Variants in MICAL2 observed in about 807,000 individuals in gnomAD.
The protein encoded by MICAL2 is microtubule associated monooxygenase, calponin and LIM domain containing 2, also known as [F-actin]-monooxygenase MICAL2.
Under a neutral mutation model 127.3 loss-of-function variants are expected in MICAL2, and 77 were observed. The ratio of observed to expected loss-of-function variants is 0.60; its 90% CI spans 0.50 to 0.73. The LOEUF is 0.73. MICAL2 is among the 30% of genes least tolerant of loss of function. The probability of loss-of-function intolerance (pLI) is 0.00; values close to 1 mark genes in which losing one functional copy is unlikely to be tolerated. For missense variants in MICAL2, 1,351 were observed against 1,434.4 expected (o/e 0.94, Z 0.94); for synonymous variants, 570 against 551.1 (o/e 1.03, Z -0.48).
At chr11:12,319,299 C>A (rs184264796) in intron 29 of MICAL2, among the ~76,000 whole-genome samples, 4 of 152,114 alleles carry the variant, frequency 2.6e-5, no homozygotes, top group Non-Finnish European at 4.4e-5. Context: ...CTCTGCAGAA[C>A]GAACCTTACA....
At chr11:12,256,528 C>T (rs924608231) in intron 23 of MICAL2, 4 of 383,558 alleles carry the variant, frequency 1.0e-5, no homozygotes, top group South Asian at 4.9e-5. Flanking sequence ...CAGCCAACCT[C>T]GGGGAGAGCC....
At chr11:12,360,117 T>A (rs77261637), downstream of MICAL2, among the ~76,000 whole-genome samples, 4 of 21,008 alleles carry the variant, frequency 1.9e-4, no homozygotes, top group South Asian at 6.6e-3. Flanking sequence ...CCTTTTTTTT[T>A]TTAAAAAAAA....
At chr11:12,112,046 C>G (rs80095110) in intron 1 of MICAL2, among the ~76,000 whole-genome samples, 1,839 of 152,298 alleles carry the variant, frequency 0.012, 28 homozygotes, top group African/African-American at 0.04. Context: ...TCCAAAAACG[C>G]TGAGAGTTTT....
intron 22 of MICAL2, 35 bp downstream of exon 22, chr11:12,249,281 AC>A (rs1481604664): frequency 7.9e-7 from 1 of 1,264,054 alleles, no homozygotes; most frequent in African/African-American, 1.5e-5. Flanking sequence ...CAGCTGCCTC[AC>A]CTGCAAAGGG....
intron 26 of MICAL2, chr11:12,261,381 C>T (rs1336484922): frequency 2.0e-6 from 2 of 985,352 alleles, no homozygotes; most frequent in Non-Finnish European, 2.4e-6. Flanking sequence ...AGGACATATG[C>T]ATGAGTAAGG....
intron 2 of MICAL2, among the ~76,000 whole-genome samples, chr11:12,145,425 C>G (rs1455845484): frequency 1.3e-5 from 2 of 152,178 alleles, no homozygotes; most frequent in African/African-American, 4.8e-5. Flanking sequence ...TTAAAACAAA[C>G]AAACATCAAT....
In MICAL2 at chr11:12,341,751, C is replaced by T. The variant is rs141091851; in HGVS notation, c.5516-8087C>T. On this transcript the variant is annotated intron_variant, in intron 32 of 34. Transcript: ENST00000646065. Reference sequence around the variant, plus strand: ...CTGAGGCAAAAGAATAGCTTGAACCCGGGAGGTGGAGTTTGTGGTGGGCCA... The same window carrying T: ...CTGAGGCAAAAGAATAGCTTGAACCTGGGAGGTGGAGTTTGTGGTGGGCCA... Among the ~76,000 whole-genome samples the T allele has an allele frequency of 4.0e-3, 616 of 152,170 alleles. 4 individuals carry two copies. The highest frequency in any genetic ancestry group is 0.014 in the African/African-American group (573 of 41,530).
At chr11:12,296,739 T>G (rs1325510135), downstream of MICAL2, among the ~76,000 whole-genome samples, 7 of 152,098 alleles carry the variant, frequency 4.6e-5, no homozygotes, top group Non-Finnish European at 7.4e-5. Context: ...GCAGACAGAA[T>G]TTATGCATGT....
chr11:12,185,015 T>G (rs1175837503), intron 3 of MICAL2, among the ~76,000 whole-genome samples: 1 of 146,006 alleles, frequency 6.8e-6, no homozygotes, highest in Non-Finnish European at 1.5e-5. Context: ...CCAAGATTCT[T>G]CCTGTTCAAA....
chr11:12,301,756 C>A (rs1309407777), intron 29 of MICAL2, among the ~76,000 whole-genome samples: 1 of 152,130 alleles, frequency 6.6e-6, no homozygotes, highest in African/African-American at 2.4e-5. Context: ...GTTAGTCCAG[C>A]TGCATCTGTT....
intron 32 of MICAL2, among the ~76,000 whole-genome samples, chr11:12,343,039 A>G (rs2134885002): frequency 6.6e-6 from 1 of 152,254 alleles, no homozygotes; most frequent in Non-Finnish European, 1.5e-5. Flanking sequence ...TTGGGAAGGC[A>G]GATTCCCTGG....
At chr11:12,337,443 C>T (rs1475650746) in intron 32 of MICAL2, among the ~76,000 whole-genome samples, 4 of 152,174 alleles carry the variant, frequency 2.6e-5, no homozygotes, top group South Asian at 4.1e-4. Flanking sequence ...TTTTTTGTGT[C>T]TCTATTTCCT....
intron 3 of MICAL2, among the ~76,000 whole-genome samples, chr11:12,164,960 C>A (rs11022213): frequency 0.15 from 22,839 of 151,798 alleles, 2,225 homozygotes; most frequent in Admixed American, 0.2. Context: ...CATGGTGAAA[C>A]CCCATCTCTA....
chr11:12,328,952 C>A (rs1297206271), intron 32 of MICAL2, among the ~76,000 whole-genome samples: 1 of 81,468 alleles, frequency 1.2e-5, no homozygotes, highest in Non-Finnish European at 2.5e-5. Flanking sequence ...GTTTCATTAA[C>A]TGCATGGTTA....
intron 1 of MICAL2, among the ~76,000 whole-genome samples, chr11:12,280,677 C>T (rs375052402): frequency 6.6e-6 from 1 of 152,216 alleles, no homozygotes; most frequent in South Asian, 2.1e-4. Flanking sequence ...CTCATTTTAC[C>T]TTAATGACCT....
At chr11:12,115,908 G>A (rs1849975683) in intron 1 of MICAL2, among the ~76,000 whole-genome samples, 1 of 151,920 alleles carries the variant, frequency 6.6e-6, no homozygotes, top group Non-Finnish European at 1.5e-5. Context: ...ATATTTGCTT[G>A]GATCATTATT....
At chr11:12,158,865 T>C (rs576882800) in intron 2 of MICAL2, among the ~76,000 whole-genome samples, 2 of 152,352 alleles carry the variant, frequency 1.3e-5, no homozygotes, top group African/African-American at 4.8e-5. Context: ...TGAGAGCAGA[T>C]TCACATTCAG....
intron 3 of MICAL2, among the ~76,000 whole-genome samples, chr11:12,182,687 C>G (rs909836931): frequency 5.3e-5 from 8 of 152,132 alleles, no homozygotes; most frequent in African/African-American, 1.9e-4. Flanking sequence ...TTGTTCGAGT[C>G]AGAGGTGGTG....
At chr11:12,159,804 G>A (rs1854571684) in intron 2 of MICAL2, among the ~76,000 whole-genome samples, 1 of 152,186 alleles carries the variant, frequency 6.6e-6, no homozygotes, top group African/African-American at 2.4e-5. Flanking sequence ...TGGCAACATT[G>A]CACATGGGGA....
Sources: allele counts gnomAD v4.1 joint callset (sites outside exome capture counted in the v4.1 genomes callset), GRCh38; gene constraint gnomAD v4.1.1; transcripts MANE v1.5; gene names NCBI Gene and HGNC (gene_info 2026-07-23, HGNC 2026-07-21).